KRT10: variants seen among roughly 807,000 people sequenced by gnomAD.
KRT10 encodes the protein keratin 10.
A neutral mutation model predicts 59.2 loss-of-function variants in KRT10; 40 were observed. That is an observed-to-expected ratio of 0.68 (90% CI 0.52 to 0.88). The LOEUF is 0.88. KRT10 is among the 40% of genes least tolerant of loss of function. The pLI is 0.00. For missense variants in KRT10, 719 were observed against 749.1 expected (o/e 0.96, Z 0.47); for synonymous variants, 336 against 310.7 (o/e 1.08, Z -0.86).
intron 7 of KRT10, 76 bp downstream of exon 7, chr17:40,818,711 C>G: frequency 6.3e-7 from 1 of 1,596,552 alleles, no homozygotes. Flanking sequence ...TAAAACAACT[C>G]TAGAGCTTAA....
At position 40,822,352 on chromosome 17, in the gene KRT10, T is replaced by A. The variant is rs1905465945; in HGVS notation, c.234A>T (p.Gly78=). The A allele has an allele frequency of 6.2e-7, 1 of 1,600,328 alleles. No homozygotes were observed. The highest frequency in any genetic ancestry group is 8.5e-7 in the Non-Finnish European group (1 of 1,173,506). ...CACGAAAGCTACCTCCACCAAAACC[T>A]CCTAATCCTCCATAGCCACCTGATG... ...GGSSGGYGGL[G]GFGGGSFRGS... The change falls in exon 1 of 8, where the codon GGA becomes GGT. Residue 78 remains glycine (G), a synonymous_variant. Coordinates refer to ENST00000269576, the MANE Select transcript of KRT10 (RefSeq NM_000421.5).
chr17:40,822,265 G>A lies in KRT10; in HGVS notation c.321C>T (p.Phe107=), dbSNP rs762441858. The change falls in exon 1 of 8, where the codon TTC becomes TTT. Residue 107 remains phenylalanine, a synonymous_variant. Coordinates refer to ENST00000269576, the MANE Select transcript of KRT10 (RefSeq NM_000421.5). The part of the protein sequence containing the change: ...SYGGIFGGGS[F]GGGSFGGGSF... Reference sequence around the variant, plus strand: ...TGCCCCCACCAAAGCTGCCACCTCCGAAACTGCCCCCTCCAAAGATGCCTC... The same window carrying A: ...TGCCCCCACCAAAGCTGCCACCTCCAAAACTGCCCCCTCCAAAGATGCCTC... The A allele has an allele frequency of 2.1e-4, 337 of 1,599,970 alleles. 2 individuals are homozygous for A. Among genetic ancestry groups the A allele is most frequent in the Non-Finnish European group, 7.0e-5 (82 of 1,171,222 alleles).
At position 40,819,503 on chromosome 17, in the gene KRT10, A is replaced by G. The variant is rs770918220; in HGVS notation, c.1373+14T>C. The G allele has an allele frequency of 1.1e-5, 17 of 1,607,316 alleles. No homozygotes were observed. The South Asian group carries it at 1.3e-4, about 12-fold the overall frequency. On this transcript the variant is annotated intron_variant, in intron 6 of 7. Coordinates refer to ENST00000269576, the MANE Select transcript of KRT10 (RefSeq NM_000421.5). ...ATAAAAGAAACTGGGATAACTTTTCATTTTAAAATTTACCTTCCCTCTCCT... is the reference window on the plus strand; with the variant it reads ...ATAAAAGAAACTGGGATAACTTTTCGTTTTAAAATTTACCTTCCCTCTCCT...
rs534188261 is a variant in KRT10, at chr17:40,822,436, C to T, written c.150G>A (p.Gly50=). ...GGCTAAAAGAGCCACCACTGAACCC[C>T]CCTGAGCTAAATCCTCCACCAAGGG... is the stretch of plus-strand genomic sequence containing the variant. ...KGSLGGGFSS[G]GFSGGSFSRG... is the part of the protein sequence containing the mutation. Residue 50 remains glycine (G), a synonymous_variant, in exon 1 of 8, where the codon GGG becomes GGA. Transcript: ENST00000269576. 6.2e-7 allele frequency: 1 copy of T among 1,614,022 alleles called. No individual in the cohort carries two copies. The highest frequency in any genetic ancestry group is 1.1e-5 in the South Asian group (1 of 91,080).
At position 40,819,526 on chromosome 17, in the gene KRT10, C is replaced by T. The variant is rs764717506; in HGVS notation, c.1364G>A (p.Gly455Glu). The change falls in exon 6 of 8, where the codon GGA becomes GAA. Residue 455 changes from glycine to glutamate, a missense_variant. Gly to Glu is a moderately conservative substitution (Grantham distance 98). Around this residue, in one of 4 missense-constraint regions of KRT10, gnomAD observed 315 missense variants for 270.6 expected, o/e 1.16. Coordinates refer to ENST00000269576, the MANE Select transcript of KRT10 (RefSeq NM_000421.5). ...EIQTYRSLLE[G>E]EGSSGGGGRG... Reference sequence around the variant, plus strand: ...TCATTTTAAAATTTACCTTCCCTCTCCTTCTAGCAGGCTGCGGTAGGTTTG... The same window carrying T: ...TCATTTTAAAATTTACCTTCCCTCTTCTTCTAGCAGGCTGCGGTAGGTTTG... 3 of 1,613,764 alleles carry T rather than the reference C, an allele frequency of 1.9e-6. No homozygotes were observed. The highest frequency in any genetic ancestry group is 1.1e-5 in the South Asian group (1 of 91,064).
rs746654245 is a variant in KRT10, at chr17:40,821,067, A to G, written c.678T>C (p.Asn226=). ...DNANILLQID[N]ARLAADDFRL... is the part of the protein sequence containing the mutation. ...TGAAGTCATCAGCTGCCAGCCTGGC[A>G]TTGTCGATCTGAAGCAGGATGTTGG... Residue 226 remains asparagine (N), a synonymous_variant, in exon 2 of 8, where the codon AAT becomes AAC. Coordinates refer to ENST00000269576, the MANE Select transcript of KRT10 (RefSeq NM_000421.5). 2.7e-5 allele frequency: 44 copies of G among 1,613,948 alleles called. No individual in the cohort carries two copies. Among genetic ancestry groups the G allele is most frequent in the Middle Eastern group, 1.6e-4 (1 of 6,084 alleles).
At position 40,822,190 on chromosome 17, in the gene KRT10, A is replaced by G. The variant is rs1472650648; in HGVS notation, c.396T>C (p.Gly132=). The change falls in exon 1 of 8, where the codon GGT becomes GGC. Residue 132 remains glycine, a synonymous_variant. Coordinates refer to ENST00000269576, the MANE Select transcript of KRT10 (RefSeq NM_000421.5). ...FGGGGFGGGF[G]GGFGGDGGLL... is the part of the protein sequence containing the mutation. The stretch of plus-strand genomic sequence containing the variant: ...GGCCACCATCTCCTCCAAATCCACC[A>G]CCAAAGCCTCCTCCAAAGCCGCCTC... The G allele has an allele frequency of 2.5e-6, 4 of 1,613,458 alleles. No individual in the cohort carries two copies. The highest frequency in any genetic ancestry group is 3.4e-6 in the Non-Finnish European group (4 of 1,179,764).
rs745745648 is a variant in KRT10 at position 40,819,122 on chromosome 17, G to T, written c.1413C>A (p.Gly471=). 3.3e-6 allele frequency: 5 copies of T among 1,523,712 alleles called. No homozygotes were observed. The highest frequency in any genetic ancestry group is 3.9e-5 in the Admixed American group (2 of 50,748). The allele number at this position is 1,523,712 out of a possible 1,614,324, so 94.4% of individuals were successfully genotyped here. A position where few individuals can be genotyped will look rare whatever the true frequency, so the allele number is the denominator to read the frequency against. The part of the protein sequence containing the change: ...GGGRGGGSFG[G]GYGGGSSGGG... ...CGCCGGAGCTTCCGCCGCCGTAGCC[G>T]CCGCCGAAACTTCCGCCGCCGCGTC... is the stretch of plus-strand genomic sequence containing the variant. Residue 471 remains glycine, a synonymous_variant, in exon 7 of 8, where the codon GGC becomes GGA. Coordinates refer to ENST00000269576, the MANE Select transcript of KRT10 (RefSeq NM_000421.5).
At chr17:40,820,796 T>A in intron 2 of KRT10, 129 bp from the exon 3 acceptor site, 1 of 1,107,680 alleles carries the variant, frequency 9.0e-7, no homozygotes, top group South Asian at 1.3e-5. Flanking sequence ...TACAGTTCTC[T>A]TAGAAGTAAT....
In KRT10 at chr17:40,822,064, C is replaced by T. The variant is rs761554643; in HGVS notation, c.522G>A (p.Leu174=). The change falls in exon 1 of 8, where the codon CTG becomes CTA. Residue 174 remains leucine, a synonymous_variant. Coordinates refer to ENST00000269576, the MANE Select transcript of KRT10 (RefSeq NM_000421.5). The part of the protein sequence containing the change: ...VRALEESNYE[L]EGKIKEWYEK... The stretch of plus-strand genomic sequence containing the variant: ...CATACCACTCCTTGATTTTGCCTTC[C>T]AGCTCATAGTTTGATTCTTCCAGAG... 1.9e-5 allele frequency: 30 copies of T among 1,613,962 alleles called. No individual in the cohort carries two copies. Among genetic ancestry groups the T allele is most frequent in the Non-Finnish European group, 2.5e-5 (30 of 1,180,020 alleles).
rs768461937 is a variant in KRT10 at position 40,822,514 on chromosome 17, T to C, written c.72A>G (p.Gly24=). Residue 24 remains glycine (G), a synonymous_variant, in exon 1 of 8, where the codon GGA becomes GGG. Transcript: ENST00000269576. ...ATGACACTCCTCCTCCTCCTCCACA[T>C]CCTCCTCCTCCTCCTCCTCCTCCAC... ...SRSGGGGGGG[G]CGGGGGVSSL... 1.5e-5 allele frequency: 16 copies of C among 1,053,338 alleles called. No individual in the cohort carries two copies. Among genetic ancestry groups the C allele is most frequent in the Non-Finnish European group, 2.0e-5 (16 of 796,030 alleles). 65.2% of individuals were successfully genotyped at this position (1,053,338 alleles called of 1,614,324 possible). A position where few individuals can be genotyped will look rare whatever the true frequency, so the allele number is the denominator to read the frequency against.
At chr17:40,820,988 C>T (rs1271842606) in intron 2 of KRT10, 47 bp downstream of exon 2, 1 of 1,405,970 alleles carries the variant, frequency 7.1e-7, no homozygotes, top group African/African-American at 1.4e-5. Flanking sequence ...TTAAAAACCA[C>T]TGATGTATTC....
In KRT10 at chr17:40,821,989, G is replaced by A. The variant is rs772155246; in HGVS notation, c.597C>T (p.Tyr199=). Residue 199 remains tyrosine (Y), a synonymous_variant, in exon 1 of 8, where the codon TAC becomes TAT. Transcript: ENST00000269576. ...TTTTAAGGTCATCGATGGTTTTGTA[G>A]TATTTGCTGTAGTCACGAGGCTCCC... The part of the protein sequence containing the change: ...HQGEPRDYSK[Y]YKTIDDLKNQ... 1 of 1,614,076 alleles carries A rather than the reference G, an allele frequency of 6.2e-7. No individual in the cohort carries two copies. Among genetic ancestry groups the A allele is most frequent in the Non-Finnish European group, 8.5e-7 (1 of 1,179,978 alleles).
chr17:40,821,051 C>T lies in KRT10; in HGVS notation c.694G>A (p.Asp232Asn). The change falls in exon 2 of 8, where the codon GAT becomes AAT. Residue 232 changes from aspartate to asparagine, a missense_variant. Asp to Asn is a conservative substitution (Grantham distance 23, BLOSUM62 1). Around this residue, in one of 4 missense-constraint regions of KRT10, gnomAD observed 221 missense variants for 277.8 expected, o/e 0.80. Coordinates refer to ENST00000269576, the MANE Select transcript of KRT10 (RefSeq NM_000421.5). Reference sequence around the variant, plus strand: ...TTAACTTACTTCAGCCTGAAGTCATCAGCTGCCAGCCTGGCATTGTCGATC... The same window carrying T: ...TTAACTTACTTCAGCCTGAAGTCATTAGCTGCCAGCCTGGCATTGTCGATC... ...LQIDNARLAADDFRLKYENEV... is the reference protein window; with the variant it reads ...LQIDNARLAANDFRLKYENEV... 1 of 1,613,428 alleles carries T rather than the reference C, an allele frequency of 6.2e-7. No individual in the cohort carries two copies. The highest frequency in any genetic ancestry group is 1.3e-5 in the African/African-American group (1 of 75,034).
chr17:40,819,762 G>GTA (rs2143136045), intron 5 of KRT10, 28 bp from the exon 6 acceptor site: 2 of 1,574,634 alleles, frequency 1.3e-6, no homozygotes, highest in African/African-American at 2.7e-5. Flanking sequence ...GTGGCTTAGT[G>GTA]ACTTCCTTGT....
intron 2 of KRT10, 52 bp from the exon 3 acceptor site, chr17:40,820,719 A>G: frequency 6.3e-7 from 1 of 1,594,062 alleles, no homozygotes; most frequent in Non-Finnish European, 8.6e-7. Context: ...GGGGAGATGT[A>G]TCTGGGCAGA....
Position 40,822,580 on chromosome 17 carries a change from A to G in KRT10, c.6T>C (p.Ser2=). The G allele has an allele frequency of 1.2e-6, 2 of 1,601,118 alleles. No individual in the cohort carries two copies. The highest frequency in any genetic ancestry group is 1.7e-6 in the Non-Finnish European group (2 of 1,179,936). Residue 2 remains serine, a synonymous_variant, in exon 1 of 8, where the codon TCT becomes TCC. Transcript: ENST00000269576. The part of the protein sequence containing the change: M[S]VRYSSSKHYS... ...AGTGCTTGCTTGAGCTGTATCGAAC[A>G]GACATGGTGATGCTGTTTAGCCCAG...
chr17:40,818,799 G>A lies in KRT10; in HGVS notation c.1736C>T (p.Ser579Phe), dbSNP rs769296740. 1 of 1,563,326 alleles carries A rather than the reference G, an allele frequency of 6.4e-7. No individual in the cohort carries two copies. Among genetic ancestry groups the A allele is most frequent in the Non-Finnish European group, 8.6e-7 (1 of 1,162,868 alleles). The change falls in exon 7 of 8, where the codon TCT becomes TTT. Residue 579 changes from serine to phenylalanine, a missense_variant. Ser to Phe is a radical substitution (Grantham distance 155, BLOSUM62 -2). Coordinates refer to ENST00000269576, the MANE Select transcript of KRT10 (RefSeq NM_000421.5). The part of the protein sequence containing the change: ...SSSGSVGESS[S>F]KGPRY The stretch of plus-strand genomic sequence containing the variant: ...AGTTTCTGCTGACCTTGGTCCCTTA[G>A]ATGAAGACTCGCCCACGGACCCGGA...
chr17:40,819,706 T>C lies in KRT10; in HGVS notation c.1184A>G (p.Glu395Gly), dbSNP rs1261774435. Reference sequence around the variant, plus strand: ...CTGCACACAGTAGCGACCTTCTGTTTCTGCCAAGGAGGCTTCCAGGGATTG... The same window carrying C: ...CTGCACACAGTAGCGACCTTCTGTTCCTGCCAAGGAGGCTTCCAGGGATTG... ...LKQSLEASLA[E>G]TEGRYCVQLS... Residue 395 changes from glutamate to glycine, a missense_variant, in exon 6 of 8, where the codon GAA (glutamate) becomes GGA (glycine). By Grantham distance (98) the Glu-to-Gly change is moderately conservative. Around this residue, in one of 4 missense-constraint regions of KRT10, gnomAD observed 221 missense variants for 277.8 expected, o/e 0.80. Transcript: ENST00000269576. 6.2e-7 allele frequency: 1 copy of C among 1,614,124 alleles called. No homozygotes were observed. The highest frequency in any genetic ancestry group is 8.5e-7 in the Non-Finnish European group (1 of 1,180,054).
Sources: gnomAD v4.1 joint callset for allele counts on GRCh38, gnomAD v4.1.1 for gene constraint, gnomAD v4.1.1 regional missense constraint, MANE v1.5 for transcripts, NCBI Gene and HGNC (gene_info 2026-07-23, HGNC 2026-07-21) for gene names.